NKAIN3: variants seen among roughly 807,000 people sequenced by gnomAD.
NKAIN3 encodes sodium/potassium transporting ATPase interacting 3.
NKAIN3 carries 25 observed loss-of-function variants against 30.2 expected under a neutral mutation model. The observed-to-expected ratio is 0.83, with a 90% CI of 0.60 to 1.16. NKAIN3 has a LOEUF of 1.16. NKAIN3 is among the 50% of genes most tolerant of loss of function. The pLI is 0.00. For synonymous variants in NKAIN3, 91 were observed against 89.6 expected (o/e 1.02, Z -0.09); for missense variants, 225 against 254.1 (o/e 0.89, Z 0.78).
At chr8:62,270,546 C>G (rs994661094) in intron 1 of NKAIN3, among the ~76,000 whole-genome samples, 1 of 152,044 alleles carries the variant, frequency 6.6e-6, no homozygotes, top group Non-Finnish European at 1.5e-5. Flanking sequence ...TATATCACCT[C>G]AAATATTTAT....
intron 4 of NKAIN3, among the ~76,000 whole-genome samples, chr8:62,773,865 C>CT (rs1330215521): frequency 2.0e-5 from 3 of 152,110 alleles, no homozygotes; most frequent in Non-Finnish European, 2.9e-5. Context: ...TGAGAATGAA[C>CT]TAACACAATA....
rs141443243 is a variant in NKAIN3, at chr8:62,386,914, TGAGAGA to T, written c.54+137810_54+137815del. Reference sequence around the variant, plus strand: ...TACTTGGTGTTTCCGAATTGATATATGAGAGAGAGAGAGAGAGAGAGAGAGAGAAAG... The same window carrying T: ...TACTTGGTGTTTCCGAATTGATATATGAGAGAGAGAGAGAGAGAGAGAAAG... On this transcript the variant is annotated intron_variant, in intron 1 of 6. Transcript: ENST00000623646. 2.8e-3 allele frequency among the ~76,000 whole-genome samples: 416 copies of T among 147,712 alleles called. 2 individuals are homozygous for T. Among genetic ancestry groups the T allele is most frequent in the African/African-American group, 7.9e-3 (315 of 40,010 alleles).
intron 1 of NKAIN3, among the ~76,000 whole-genome samples, chr8:62,297,335 A>G (rs2129587618): frequency 6.6e-6 from 1 of 152,234 alleles, no homozygotes; most frequent in South Asian, 2.1e-4. Flanking sequence ...ATCTAATTAA[A>G]CTAAAGAGCT....
chr8:62,716,507 G>C (rs528785903), intron 3 of NKAIN3, among the ~76,000 whole-genome samples: 65 of 152,158 alleles, frequency 4.3e-4, no homozygotes, highest in African/African-American at 1.5e-3. Context: ...TGACATCTTA[G>C]TTATAAAAGT....
intron 4 of NKAIN3, among the ~76,000 whole-genome samples, chr8:62,840,112 C>T (rs1032621698): frequency 2.6e-5 from 4 of 152,024 alleles, no homozygotes. Context: ...GAATAAATGG[C>T]TTTTGTAAAT....
intron 1 of NKAIN3, among the ~76,000 whole-genome samples, chr8:62,525,024 G>A (rs1291043250): frequency 6.6e-6 from 1 of 151,956 alleles, no homozygotes; most frequent in East Asian, 1.9e-4. Flanking sequence ...AGGCTACTGT[G>A]GTAGGGGTTG....
chr8:62,851,439 A>G (rs866420431), intron 4 of NKAIN3, among the ~76,000 whole-genome samples: 3 of 152,112 alleles, frequency 2.0e-5, no homozygotes, highest in Non-Finnish European at 4.4e-5. Flanking sequence ...CTAATTGAAT[A>G]CCCTTTATTT....
chr8:62,715,269 A>T (rs1228002703), intron 3 of NKAIN3, among the ~76,000 whole-genome samples: 1 of 152,152 alleles, frequency 6.6e-6, no homozygotes, highest in Admixed American at 6.5e-5. Flanking sequence ...ACATAAATCG[A>T]AACCATATCA....
chr8:62,450,746 TC>T (rs1805615169), intron 1 of NKAIN3, among the ~76,000 whole-genome samples: 1 of 152,168 alleles, frequency 6.6e-6, no homozygotes, highest in South Asian at 2.1e-4. Flanking sequence ...TCTCATGTAA[TC>T]TACACCATAG....
At chr8:62,887,386 G>A (rs1278285546) in intron 4 of NKAIN3, among the ~76,000 whole-genome samples, 1 of 151,854 alleles carries the variant, frequency 6.6e-6, no homozygotes, top group African/African-American at 2.4e-5. Context: ...GAGCTTCTTG[G>A]ATCTGTGGGT....
intron 4 of NKAIN3, among the ~76,000 whole-genome samples, chr8:62,862,173 T>C (rs770493574): frequency 1.3e-5 from 2 of 152,192 alleles, no homozygotes; most frequent in African/African-American, 2.4e-5. Flanking sequence ...AGTAAAAACA[T>C]TATTTGGCTT....
chr8:62,952,200 ATATT>A (rs1264995719), intron 5 of NKAIN3, among the ~76,000 whole-genome samples: 1 of 152,180 alleles, frequency 6.6e-6, no homozygotes, highest in African/African-American at 2.4e-5. Context: ...AAAGATAAAT[ATATT>A]TATTTTGTGG....
At chr8:62,790,829 C>T (rs1428240168) in intron 4 of NKAIN3, among the ~76,000 whole-genome samples, 6 of 151,984 alleles carry the variant, frequency 3.9e-5, no homozygotes, top group Non-Finnish European at 8.8e-5. Flanking sequence ...CCTCCCATCA[C>T]AGATAACAGG....
chr8:62,966,052 T>C lies in NKAIN3; in HGVS notation c.*645T>C. 1 of 982,444 alleles carries C rather than the reference T, an allele frequency of 1.0e-6. No homozygotes were observed. Among genetic ancestry groups the C allele is most frequent in the Non-Finnish European group, 1.2e-6 (1 of 827,264 alleles). 60.9% of individuals were successfully genotyped at this position (982,444 alleles called of 1,614,324 possible). ...GTTTTTCCTGATATATATATATATG[T>C]AGGCACATGGAAGAGTAAAAGGATT... On this transcript the variant is annotated 3_prime_UTR_variant, in exon 7 of 7. Coordinates refer to ENST00000623646, the MANE Select transcript of NKAIN3 (RefSeq NM_001304533.3).
chr8:62,883,052 G>GCT (rs1821034233), intron 4 of NKAIN3, among the ~76,000 whole-genome samples: 1 of 152,096 alleles, frequency 6.6e-6, no homozygotes, highest in Non-Finnish European at 1.5e-5. Context: ...AGGACGTATT[G>GCT]CTCTCCATAT....
intron 1 of NKAIN3, among the ~76,000 whole-genome samples, chr8:62,459,239 A>C (rs1464329243): frequency 2.6e-5 from 4 of 152,104 alleles, no homozygotes; most frequent in Non-Finnish European, 5.9e-5. Flanking sequence ...ACTTTGATTG[A>C]CTGTGGCCTC....
chr8:62,737,174 C>G (rs1354248396), intron 3 of NKAIN3, among the ~76,000 whole-genome samples: 2 of 152,140 alleles, frequency 1.3e-5, no homozygotes, highest in African/African-American at 2.4e-5. Flanking sequence ...ATCAAAAGTT[C>G]ATGATGTGAG....
intron 3 of NKAIN3, among the ~76,000 whole-genome samples, chr8:62,630,867 A>G (rs571026069): frequency 4.6e-5 from 7 of 152,138 alleles, no homozygotes; most frequent in Non-Finnish European, 7.4e-5. Flanking sequence ...CAACTGCTAG[A>G]TCTTTCTTTT....
chr8:62,914,110 T>A (rs971739153), intron 4 of NKAIN3, among the ~76,000 whole-genome samples: 1 of 152,166 alleles, frequency 6.6e-6, no homozygotes, highest in African/African-American at 2.4e-5. Context: ...CCATCAATGA[T>A]AGACTGGATA....
Sources: gnomAD v4.1 joint callset for allele counts (sites outside exome capture counted in the v4.1 genomes callset) on GRCh38, gnomAD v4.1.1 for gene constraint, MANE v1.5 for transcripts, NCBI Gene and HGNC (gene_info 2026-07-23, HGNC 2026-07-21) for gene names.